Variants in ZNF253 observed in about 807,000 individuals in gnomAD.
ZNF253 encodes zinc finger protein 253, also known as DNA-binding protein.
ZNF253 carries 8 observed loss-of-function variants against 11.9 expected under a neutral mutation model. That is an observed-to-expected ratio of 0.67 (90% CI 0.40 to 1.22). The LOEUF (loss-of-function observed/expected upper bound fraction) is 1.22, where lower values mean the gene tolerates loss of function less well. Ranked by LOEUF, ZNF253 falls within the 50% of genes most tolerant of loss-of-function variation. The pLI is 0.01. For synonymous variants in ZNF253, 194 were observed against 194.9 expected (o/e 1.00, Z 0.04); for missense variants, 485 against 586.9 (o/e 0.83, Z 1.79).
intron 2 of ZNF253, among the ~76,000 whole-genome samples, chr19:19,879,070 C>T (rs565896828): frequency 6.6e-6 from 1 of 152,258 alleles, no homozygotes; most frequent in African/African-American, 2.4e-5. Flanking sequence ...TTTAAAGTCA[C>T]TGGCAAAGTG....
intron 1 of ZNF253, among the ~76,000 whole-genome samples, chr19:19,866,655 C>T (rs747935895): frequency 5.9e-5 from 9 of 152,060 alleles, no homozygotes; most frequent in Non-Finnish European, 1.3e-4. Context: ...TGCGTCACCA[C>T]ACCCGGCTGA....
chr19:19,885,204 T>C (rs946717118), intron 3 of ZNF253, among the ~76,000 whole-genome samples: 13 of 151,400 alleles, frequency 8.6e-5, no homozygotes, highest in African/African-American at 2.9e-4. Flanking sequence ...CAATGTCATG[T>C]CTTTTTTTTG....
At chr19:19,886,248 C>T (rs1386324465) in intron 3 of ZNF253, among the ~76,000 whole-genome samples, 1 of 152,270 alleles carries the variant, frequency 6.6e-6, no homozygotes, top group East Asian at 1.9e-4. Context: ...TTTTCTTGGT[C>T]TCCTAAAATG....
intron 2 of ZNF253, among the ~76,000 whole-genome samples, chr19:19,879,798 G>A (rs1377589114): frequency 4.6e-5 from 7 of 152,114 alleles, no homozygotes; most frequent in Non-Finnish European, 1.0e-4. Flanking sequence ...GAAATTTAGT[G>A]GCATAAAATA....
At position 19,892,174 on chromosome 19, in the gene ZNF253, G is replaced by T; in HGVS notation, c.927G>T (p.Gly309=). Residue 309 remains glycine, a synonymous_variant, in exon 4 of 4, where the codon GGG becomes GGT. Transcript: ENST00000589717. The stretch of plus-strand genomic sequence containing the variant: ...CACATAAGAAAATTCATACTAGAGG[G>T]AAACCCTACAACTGTGAAGAATGTG... ...VTTHKKIHTR[G]KPYNCEECGK... is the part of the protein sequence containing the mutation. The T allele has an allele frequency of 6.2e-7, 1 of 1,613,598 alleles. No homozygotes were observed. The highest frequency in any genetic ancestry group is 2.2e-5 in the East Asian group (1 of 44,846).
intron 3 of ZNF253, 85 bp downstream of exon 3, chr19:19,880,231 T>C: frequency 9.4e-7 from 1 of 1,059,600 alleles, no homozygotes; most frequent in Non-Finnish European, 1.3e-6. Flanking sequence ...TAAAATGTGA[T>C]TCTGGAAGCT....
Position 19,865,888 on chromosome 19 carries a change from C to T in ZNF253, c.-109C>T, listed in dbSNP as rs559758485. 2.2e-4 allele frequency: 312 copies of T among 1,398,382 alleles called. No individual in the cohort carries two copies. The highest frequency in any genetic ancestry group is 8.9e-4 in the Middle Eastern group (5 of 5,630). 86.6% of individuals were successfully genotyped at this position (1,398,382 alleles called of 1,614,324 possible). A position where few individuals can be genotyped will look rare whatever the true frequency, so the allele number is the denominator to read the frequency against. On this transcript the variant is annotated 5_prime_UTR_variant, in exon 1 of 4. Coordinates refer to ENST00000589717, the MANE Select transcript of ZNF253 (RefSeq NM_021047.3). ...GCTGCAGCGGGAGCTCCAGGTTTAT[C>T]CTCAGTGTTCTGTGTCCTGTGCTTA...
In ZNF253 at chr19:19,893,376, C is replaced by T. The variant is rs935229172; in HGVS notation, c.*629C>T. ...CATGCTGAAGAGGAAATCTGGAAAC[C>T]TGAAAGATGCGACATTGCTTTTACC... On this transcript the variant is annotated 3_prime_UTR_variant, in exon 4 of 4. Coordinates refer to ENST00000589717, the MANE Select transcript of ZNF253 (RefSeq NM_021047.3). The T allele has an allele frequency of 3.9e-5, 6 of 152,242 alleles. No homozygotes were observed. Among genetic ancestry groups the T allele is most frequent in the African/African-American group, 9.7e-5 (4 of 41,418 alleles). 9.4% of individuals were successfully genotyped at this position (152,242 alleles called of 1,614,324 possible).
rs2063242164 is a variant in ZNF253 at position 19,893,331 on chromosome 19, T to TA, written c.*586dup. 2 of 122,684 alleles carry TA rather than the reference T, an allele frequency of 1.6e-5. No homozygotes were observed. The highest frequency in any genetic ancestry group is 7.5e-5 in the African/African-American group (2 of 26,644). 7.6% of individuals were successfully genotyped at this position (122,684 alleles called of 1,614,324 possible). A position where few individuals can be genotyped will look rare whatever the true frequency, so the allele number is the denominator to read the frequency against. ...TGCCTGGCTACAAGTTCTTAATTCT[T>TA]AAGAGACATGGCGATAATTCATGCT... On this transcript the variant is annotated 3_prime_UTR_variant, in exon 4 of 4. Transcript: ENST00000589717.
At chr19:19,874,180 G>T (rs1028677557) in intron 1 of ZNF253, among the ~76,000 whole-genome samples, 3 of 152,050 alleles carry the variant, frequency 2.0e-5, no homozygotes, top group Admixed American at 2.0e-4. Flanking sequence ...AAAGTGCTGG[G>T]ATTACAGGCA....
At chr19:19,872,831 C>T (rs1380010602) in intron 1 of ZNF253, among the ~76,000 whole-genome samples, 1 of 151,500 alleles carries the variant, frequency 6.6e-6, no homozygotes. Context: ...TGTAGACTTA[C>T]CATTTAGAAT....
At chr19:19,869,947 C>T (rs1254514152) in intron 1 of ZNF253, among the ~76,000 whole-genome samples, 12 of 151,700 alleles carry the variant, frequency 7.9e-5, no homozygotes, top group East Asian at 1.9e-4. Context: ...CTGGTATTAC[C>T]GGTGTGAGCC....
intron 2 of ZNF253, 52 bp downstream of exon 2, chr19:19,878,659 C>G: frequency 1.7e-5 from 27 of 1,548,524 alleles, no homozygotes; most frequent in Non-Finnish European, 2.3e-5. Context: ...GATTTTATTT[C>G]TCTTTTTTGT....
At chr19:19,886,473 C>T (rs2063206663) in intron 3 of ZNF253, among the ~76,000 whole-genome samples, 1 of 152,176 alleles carries the variant, frequency 6.6e-6, no homozygotes, top group African/African-American at 2.4e-5. Context: ...TATAAATCCT[C>T]AATGTTGGTT....
chr19:19,879,377 C>T (rs1245764446), intron 2 of ZNF253, among the ~76,000 whole-genome samples: 2 of 151,998 alleles, frequency 1.3e-5, no homozygotes, highest in East Asian at 1.9e-4. Context: ...TCTGAACCCC[C>T]ACCTTATTTT....
intron 1 of ZNF253, among the ~76,000 whole-genome samples, chr19:19,875,970 T>C (rs986319245): frequency 6.6e-6 from 1 of 152,200 alleles, no homozygotes; most frequent in African/African-American, 2.4e-5. Flanking sequence ...CATGTGTACA[T>C]GTTGTTTTTT....
At chr19:19,889,196 T>A (rs866183280) in intron 3 of ZNF253, among the ~76,000 whole-genome samples, 1 of 151,820 alleles carries the variant, frequency 6.6e-6, no homozygotes, top group African/African-American at 2.4e-5. Context: ...AAGAAATTTT[T>A]AAGTTATTTT....
intron 3 of ZNF253, among the ~76,000 whole-genome samples, chr19:19,883,574 C>CA (rs1029362425): frequency 1.3e-5 from 2 of 150,958 alleles, no homozygotes; most frequent in African/African-American, 4.9e-5. Context: ...GACCCTGTCT[C>CA]AAAAAAAAGT....
intron 3 of ZNF253, among the ~76,000 whole-genome samples, chr19:19,889,188 G>T (rs138411386): frequency 4.0e-5 from 6 of 151,416 alleles, no homozygotes; most frequent in African/African-American, 9.7e-5. Context: ...TTTCTTTTAA[G>T]AAATTTTTAA....
Sources: gnomAD v4.1 joint callset for allele counts (sites outside exome capture counted in the v4.1 genomes callset) on GRCh38, gnomAD v4.1.1 for gene constraint, MANE v1.5 for transcripts, NCBI Gene and HGNC (gene_info 2026-07-23, HGNC 2026-07-21) for gene names.